RSRC1: variants seen among roughly 807,000 people sequenced by gnomAD.
RSRC1 encodes arginine and serine rich coiled-coil 1.
RSRC1 carries 39 observed loss-of-function variants against 49.1 expected under a neutral mutation model. That is an observed-to-expected ratio of 0.79 (90% confidence interval 0.61 to 1.04). The LOEUF (loss-of-function observed/expected upper bound fraction) is 1.04, where lower values mean the gene tolerates loss of function less well. Ranked by LOEUF, RSRC1 falls within the 50% of genes least tolerant of loss-of-function variation. RSRC1 has a pLI of 0.00. For missense variants in RSRC1, 388 were observed against 402.4 expected (o/e 0.96, Z 0.31); for synonymous variants, 143 against 130.8 (o/e 1.09, Z -0.63).
Position 158,135,590 on chromosome 3 carries a change from A to AT in RSRC1, c.320+11604dup, listed in dbSNP as rs534714110. Among the ~76,000 whole-genome samples the AT allele has an allele frequency of 1.2e-3, 175 of 151,858 alleles. 1 individual carries two copies. Among genetic ancestry groups the AT allele is most frequent in the African/African-American group, 4.0e-3 (165 of 41,416 alleles). ...CCACTGCGCCCGGCCTATAGTGTAAATTTTTAATGTTTTTTTTTTCTGGAG... is the reference window on the plus strand; with the variant it reads ...CCACTGCGCCCGGCCTATAGTGTAAATTTTTTAATGTTTTTTTTTTCTGGAG... On this transcript the variant is annotated intron_variant, in intron 3 of 9. Transcript: ENST00000611884.
chr3:158,141,627 G>T (rs1716752887), intron 3 of RSRC1, among the ~76,000 whole-genome samples: 1 of 152,102 alleles, frequency 6.6e-6, no homozygotes, highest in African/African-American at 2.4e-5. Flanking sequence ...TTCATCTTAA[G>T]TTCTAATACT....
rs1553791551 is a variant in RSRC1 at position 158,354,001 on chromosome 3, T to TTTC, written c.532-854_532-853insCTT. 3.6e-5 allele frequency among the ~76,000 whole-genome samples: 5 copies of TTTC among 140,758 alleles called. No individual in the cohort carries two copies. In the East Asian group the frequency reaches 1.0e-3, roughly 28 times the overall value. 92.3% of individuals were successfully genotyped at this position (140,758 alleles called of 152,430 possible). Reference sequence around the variant, plus strand: ...ATTAGTTTAGTTTCTTTTTCTTTTTTTTTTTTTTTTTTTTTGAGACGGAGT... The same window carrying TTTC: ...ATTAGTTTAGTTTCTTTTTCTTTTTTTTCTTTTTTTTTTTTTTTGAGACGGAGT... On this transcript the variant is annotated intron_variant, in intron 5 of 9. Coordinates refer to ENST00000611884, the MANE Select transcript of RSRC1 (RefSeq NM_001271838.2).
At chr3:158,347,645 A>T (rs1444126945) in intron 5 of RSRC1, among the ~76,000 whole-genome samples, 2 of 152,128 alleles carry the variant, frequency 1.3e-5, no homozygotes, top group African/African-American at 4.8e-5. Flanking sequence ...TCCTGGGCTC[A>T]AATAATCCTC....
intron 4 of RSRC1, among the ~76,000 whole-genome samples, chr3:158,244,206 C>G (rs555618138): frequency 6.6e-6 from 1 of 152,198 alleles, no homozygotes; most frequent in South Asian, 2.1e-4. Flanking sequence ...TGCCAGTTTT[C>G]AAAGGAAATG....
At chr3:158,192,854 A>C (rs1720327193) in intron 3 of RSRC1, among the ~76,000 whole-genome samples, 1 of 152,048 alleles carries the variant, frequency 6.6e-6, no homozygotes, top group African/African-American at 2.4e-5. Flanking sequence ...TCAGATTATT[A>C]TTATTCACCT....
chr3:158,246,149 A>G (rs1723875183), intron 4 of RSRC1, among the ~76,000 whole-genome samples: 1 of 152,092 alleles, frequency 6.6e-6, no homozygotes, highest in Non-Finnish European at 1.5e-5. Flanking sequence ...CGTTAAGAAC[A>G]AAAAACCAAA....
At chr3:158,508,479 A>G (rs1238318412) in intron 7 of RSRC1, among the ~76,000 whole-genome samples, 1 of 151,734 alleles carries the variant, frequency 6.6e-6, no homozygotes, top group Non-Finnish European at 1.5e-5. Flanking sequence ...GTCGTACCTA[A>G]TGAGTGTCAC....
At chr3:158,518,501 A>G (rs12495932) in intron 7 of RSRC1, among the ~76,000 whole-genome samples, 1 of 151,516 alleles carries the variant, frequency 6.6e-6, no homozygotes, top group Admixed American at 6.6e-5. Context: ...TTGATTTTTA[A>G]AAATATTTAA....
At chr3:158,166,320 T>C (rs977691574) in intron 3 of RSRC1, among the ~76,000 whole-genome samples, 13 of 152,322 alleles carry the variant, frequency 8.5e-5, no homozygotes, top group African/African-American at 2.2e-4. Context: ...TCAGATTTAA[T>C]GTGACATCCC....
chr3:158,500,629 G>C (rs1342242839), intron 7 of RSRC1, among the ~76,000 whole-genome samples: 1 of 151,852 alleles, frequency 6.6e-6, no homozygotes, highest in Non-Finnish European at 1.5e-5. Flanking sequence ...TCTCTTCTAG[G>C]TTTTCTAGTT....
rs947756443 is a variant in RSRC1 at position 158,175,655 on chromosome 3, C to T, written c.321-27417C>T. Among the ~76,000 whole-genome samples the T allele has an allele frequency of 2.0e-5, 3 of 152,062 alleles. No individual in the cohort carries two copies. In the South Asian group the frequency reaches 6.2e-4, roughly 32 times the overall value. ...TGTGTTTATCCTTACACCAATTCCACGTTGCCCTACTTAATTAGTGTTGCT... is the reference window on the plus strand; with the variant it reads ...TGTGTTTATCCTTACACCAATTCCATGTTGCCCTACTTAATTAGTGTTGCT... On this transcript the variant is annotated intron_variant, in intron 3 of 9. Transcript: ENST00000611884.
chr3:158,532,874 G>A (rs1712483433), intron 7 of RSRC1, among the ~76,000 whole-genome samples: 1 of 151,570 alleles, frequency 6.6e-6, no homozygotes, highest in Non-Finnish European at 1.5e-5. Flanking sequence ...TTTACTTCAT[G>A]GCTAATGAAT....
intron 7 of RSRC1, among the ~76,000 whole-genome samples, chr3:158,518,395 A>C (rs1328014680): frequency 6.7e-6 from 1 of 148,766 alleles, no homozygotes; most frequent in African/African-American, 2.5e-5. Context: ...TTGTCAAATG[A>C]TTCAATTTCT....
intron 4 of RSRC1, among the ~76,000 whole-genome samples, chr3:158,222,334 T>G (rs955061860): frequency 2.0e-5 from 3 of 151,536 alleles, no homozygotes; most frequent in Non-Finnish European, 4.4e-5. Context: ...AGCAACATAT[T>G]GTATAACATG....
intron 3 of RSRC1, among the ~76,000 whole-genome samples, chr3:158,138,527 G>C (rs555045395): frequency 6.6e-6 from 1 of 152,332 alleles, no homozygotes; most frequent in African/African-American, 2.4e-5. Flanking sequence ...CTTGACATAA[G>C]CACTACTATT....
chr3:158,520,953 G>A (rs1711637583), intron 7 of RSRC1, among the ~76,000 whole-genome samples: 1 of 151,988 alleles, frequency 6.6e-6, no homozygotes, highest in African/African-American at 2.4e-5. Flanking sequence ...AGAATTCCCT[G>A]GTTATTCCCT....
At chr3:158,206,821 A>G (rs1023131179) in intron 4 of RSRC1, among the ~76,000 whole-genome samples, 7 of 152,022 alleles carry the variant, frequency 4.6e-5, no homozygotes, top group African/African-American at 1.2e-4. Flanking sequence ...GGCTGAGGCA[A>G]GAGAATTGCT....
chr3:158,309,770 T>G (rs984039618), intron 5 of RSRC1, among the ~76,000 whole-genome samples: 6 of 151,784 alleles, frequency 4.0e-5, no homozygotes, highest in Admixed American at 3.9e-4. Context: ...TCTAAAACAT[T>G]AATATAATCT....
chr3:158,180,119 G>A (rs1038936792), intron 3 of RSRC1, among the ~76,000 whole-genome samples: 1 of 151,852 alleles, frequency 6.6e-6, no homozygotes, highest in African/African-American at 2.4e-5. Flanking sequence ...AGTTTTGAGA[G>A]TTCTTTACTT....
Sources: gnomAD v4.1 joint callset for allele counts (sites outside exome capture counted in the v4.1 genomes callset) on GRCh38, gnomAD v4.1.1 for gene constraint, MANE v1.5 for transcripts, NCBI Gene and HGNC (gene_info 2026-07-23, HGNC 2026-07-21) for gene names.